Variants in PARD3 observed in about 807,000 individuals in gnomAD.
PARD3 encodes the protein partitioning defective 3 homolog.
Under a neutral mutation model 155.4 loss-of-function variants are expected in PARD3, and 75 were observed. The observed-to-expected ratio is 0.48, with a 90% CI of 0.40 to 0.58. PARD3 has a LOEUF of 0.58. Among genes scored for constraint, PARD3 ranks in the 20% least tolerant of loss-of-function variants. The probability of loss-of-function intolerance (pLI) is 0.00; values close to 1 mark genes in which losing one functional copy is unlikely to be tolerated. For missense variants in PARD3, 1,642 were observed against 1,721.7 expected (o/e 0.95, Z 0.82); for synonymous variants, 576 against 610.5 (o/e 0.94, Z 0.83).
Position 34,341,772 on chromosome 10 carries a change from T to G in PARD3, c.2263A>C (p.Thr755Pro), listed in dbSNP as rs752711878. 5 of 1,612,700 alleles carry G rather than the reference T, an allele frequency of 3.1e-6. No homozygotes were observed. Residue 755 changes from threonine (T) to proline (P), a missense_variant, in exon 16 of 25, where the codon ACT (threonine) becomes CCT (proline). By Grantham distance (38) the Thr-to-Pro change is conservative. Coordinates refer to ENST00000374788, the MANE Select transcript of PARD3 (RefSeq NM_001184785.2). ...AACCTGTCATCTTCTATAATGACAG[T>G]GTCATCTTGGGGCATATTCACTGTA... is the stretch of plus-strand genomic sequence containing the variant. The part of the protein sequence containing the change: ...SPTVNMPQDD[T>P]VIIEDDRLPV...
intron 1 of PARD3, among the ~76,000 whole-genome samples, chr10:34,791,164 T>C (rs142409990): frequency 6.6e-5 from 10 of 152,308 alleles, no homozygotes; most frequent in Admixed American, 5.2e-4. Context: ...ACTATCACTG[T>C]GTAACATTCT....
intron 2 of PARD3, among the ~76,000 whole-genome samples, chr10:34,691,908 A>T (rs1375235671): frequency 6.6e-6 from 1 of 152,196 alleles, no homozygotes; most frequent in African/African-American, 2.4e-5. Context: ...GAATATTGAC[A>T]CTGGACCCCT....
chr10:34,345,940 G>A (rs541788167), intron 15 of PARD3: 3 of 983,952 alleles, frequency 3.0e-6, no homozygotes, highest in South Asian at 4.7e-5. Context: ...ACTTGTCAGG[G>A]TAAAACTATT....
chr10:34,776,911 A>T (rs1355981007), intron 1 of PARD3, among the ~76,000 whole-genome samples: 10 of 147,298 alleles, frequency 6.8e-5, no homozygotes, highest in African/African-American at 2.3e-4. Flanking sequence ...ATCTCAGCTC[A>T]CTGCAACCTC....
intron 1 of PARD3, among the ~76,000 whole-genome samples, chr10:34,751,466 C>G (rs1346796277): frequency 3.3e-5 from 5 of 152,204 alleles, no homozygotes; most frequent in African/African-American, 9.7e-5. Flanking sequence ...GCCCAGAGGT[C>G]AAACAACCTT....
intron 2 of PARD3, among the ~76,000 whole-genome samples, chr10:34,565,261 T>TG (rs1491263387): frequency 5.6e-5 from 3 of 53,864 alleles, no homozygotes; most frequent in Non-Finnish European, 9.9e-5. Flanking sequence ...GGAGCAAGGC[T>TG]TTTTTTTTTT....
intron 5 of PARD3, among the ~76,000 whole-genome samples, chr10:34,446,843 G>C (rs2076763774): frequency 6.6e-6 from 1 of 151,908 alleles, no homozygotes; most frequent in Non-Finnish European, 1.5e-5. Context: ...ATTACTTTAG[G>C]ATCTTTATAC....
At chr10:34,418,920 G>A (rs1326705573) in intron 5 of PARD3, among the ~76,000 whole-genome samples, 2 of 143,556 alleles carry the variant, frequency 1.4e-5, no homozygotes, top group Non-Finnish European at 2.9e-5. Flanking sequence ...ACAGGCACAT[G>A]TCACCATAAC....
chr10:34,750,520 A>G (rs1353747845), intron 1 of PARD3, among the ~76,000 whole-genome samples: 1 of 149,796 alleles, frequency 6.7e-6, no homozygotes, highest in Non-Finnish European at 1.5e-5. Context: ...CCCTAAGACT[A>G]TAGAGGACAG....
chr10:34,574,270 A>C (rs2086711960), intron 2 of PARD3, among the ~76,000 whole-genome samples: 1 of 152,188 alleles, frequency 6.6e-6, no homozygotes, highest in South Asian at 2.1e-4. Context: ...AAATGATTTT[A>C]ATTATCTTAA....
chr10:34,165,578 G>A (rs1949492241), intron 22 of PARD3, among the ~76,000 whole-genome samples: 1 of 152,136 alleles, frequency 6.6e-6, no homozygotes, highest in Non-Finnish European at 1.5e-5. Context: ...ACCCCTCTCT[G>A]CCTTCTCAAC....
chr10:34,671,908 T>A (rs534178138), intron 2 of PARD3, among the ~76,000 whole-genome samples: 1 of 152,136 alleles, frequency 6.6e-6, no homozygotes, highest in Non-Finnish European at 1.5e-5. Context: ...TAGTTACATA[T>A]GATTTTTATT....
chr10:34,383,920 GA>G (rs1301466265), intron 8 of PARD3, among the ~76,000 whole-genome samples: 1 of 152,206 alleles, frequency 6.6e-6, no homozygotes, highest in African/African-American at 2.4e-5. Context: ...TAATACTTAA[GA>G]AGAGCTATAT....
At chr10:34,156,954 A>G (rs1026299714) in intron 22 of PARD3, among the ~76,000 whole-genome samples, 12 of 151,830 alleles carry the variant, frequency 7.9e-5, no homozygotes, top group East Asian at 3.9e-4. Context: ...AAAGGAGGGG[A>G]AAAAAAACCC....
chr10:34,483,496 A>G (rs78788621), intron 3 of PARD3, among the ~76,000 whole-genome samples: 8 of 142,392 alleles, frequency 5.6e-5, no homozygotes, highest in African/African-American at 9.3e-5. Flanking sequence ...AAAAAAAAAA[A>G]AAAGAGAGAG....
At chr10:34,338,931 C>T (rs1171523114) in intron 16 of PARD3, among the ~76,000 whole-genome samples, 1 of 152,148 alleles carries the variant, frequency 6.6e-6, no homozygotes, top group Non-Finnish European at 1.5e-5. Flanking sequence ...CCAATGAAGA[C>T]TATCTCAAAT....
rs1473999572 is a variant in PARD3 at position 34,382,694 on chromosome 10, T to C, written c.1245A>G (p.Ile415Met). Residue 415 changes from isoleucine to methionine, a missense_variant, in exon 9 of 25, where the codon ATA (isoleucine) becomes ATG (methionine). Ile to Met is a conservative substitution (Grantham distance 10). Around this residue, in one of 3 missense-constraint regions of PARD3, gnomAD observed 1,529 missense variants for 1,587.3 expected, o/e 0.96. Transcript: ENST00000374788. ...TATGAGGTAGTCTTGAGTGAGAGTC[T>C]ATCTGCTCAGGCGGGTGGTTCAGTC... ...APRLNHPPEQIDSHSRLPHSA... is the reference protein window; with the variant it reads ...APRLNHPPEQMDSHSRLPHSA... The C allele has an allele frequency of 6.2e-7, 1 of 1,614,176 alleles. No individual in the cohort carries two copies. The highest frequency in any genetic ancestry group is 2.2e-5 in the East Asian group (1 of 44,874).
intron 22 of PARD3, among the ~76,000 whole-genome samples, chr10:34,212,891 G>C (rs758407560): frequency 5.9e-5 from 9 of 152,130 alleles, no homozygotes; most frequent in Non-Finnish European, 8.8e-5. Context: ...AGGCTCAGAG[G>C]CATCATCAGA....
At position 34,576,990 on chromosome 10, in the gene PARD3, G is replaced by A. The variant is rs527989427; in HGVS notation, c.223-59831C>T. Among the ~76,000 whole-genome samples the A allele has an allele frequency of 7.0e-4, 106 of 152,278 alleles. 1 individual carries two copies. In the South Asian group the frequency reaches 0.02, roughly 28 times the overall value. On this transcript the variant is annotated intron_variant, in intron 2 of 24. Transcript: ENST00000374788. ...CATACAGCACAGATTGATAATTCCCGTTGAGAGTGTGGCTAAGTGTTTCTA... is the reference window on the plus strand; with the variant it reads ...CATACAGCACAGATTGATAATTCCCATTGAGAGTGTGGCTAAGTGTTTCTA...
Sources: allele counts gnomAD v4.1 joint callset (sites outside exome capture counted in the v4.1 genomes callset), GRCh38; gene constraint gnomAD v4.1.1; regional missense constraint gnomAD v4.1.1; transcripts MANE v1.5; gene names NCBI Gene and HGNC (gene_info 2026-07-23, HGNC 2026-07-21).